TMEM255A: variants seen among roughly 807,000 people sequenced by gnomAD.
TMEM255A encodes transmembrane protein 255A, also known as family with sequence similarity 70, member A.
In TMEM255A, 14 loss-of-function variants were observed where a neutral mutation model predicts 23.5. The observed-to-expected ratio is 0.60, with a 90% confidence interval of 0.39 to 0.93. The LOEUF (loss-of-function observed/expected upper bound fraction) is 0.93. Among genes scored for constraint, TMEM255A ranks in the 40% least tolerant of loss-of-function variants. The probability of loss-of-function intolerance (pLI) is 0.00; values close to 1 mark genes in which losing one functional copy is unlikely to be tolerated. For missense variants in TMEM255A, 233 were observed against 261.7 expected, an observed-to-expected ratio of 0.89 and a Z score of 0.76; for synonymous variants, 104 against 100.3, an observed-to-expected ratio of 1.04 and a Z score of -0.22.
At chrX:120,292,506 C>T (rs2057922878) in intron 3 of TMEM255A, among the ~76,000 whole-genome samples, 2 of 110,733 alleles carry the variant, frequency 1.8e-5, no homozygotes, top group Admixed American at 1.9e-4. Flanking sequence ...CGCCTGTAAT[C>T]CCAGTACTTT....
chrX:120,262,678 A>G (rs1182860513), intron 8 of TMEM255A, among the ~76,000 whole-genome samples: 3 of 111,506 alleles, frequency 2.7e-5, no homozygotes, highest in Non-Finnish European at 5.7e-5. Context: ...GCTTTCCTCA[A>G]CTAAGAACTC....
At chrX:120,275,784 AT>A (rs11342181) in intron 7 of TMEM255A, among the ~76,000 whole-genome samples, 4,816 of 60,115 alleles carry the variant, frequency 0.08, 197 homozygotes, top group East Asian at 0.13. Flanking sequence ...GAGCCCAAGC[AT>A]TTTTTTTTTT....
intron 8 of TMEM255A, among the ~76,000 whole-genome samples, chrX:120,264,268 A>G (rs2057700482): frequency 8.9e-6 from 1 of 111,936 alleles, no homozygotes. Flanking sequence ...TGGTGGGGAA[A>G]TAGTGCAAAG....
chrX:120,268,460 T>A, intron 7 of TMEM255A, 73 bp from the exon 8 acceptor site: 2 of 830,193 alleles, frequency 2.4e-6, no homozygotes, highest in Non-Finnish European at 3.4e-6. Context: ...ACTTAGTACA[T>A]CTATACTATG....
chrX:120,298,773 G>A lies in TMEM255A; in HGVS notation c.202-4722C>T, dbSNP rs192120858. ...AGTGTTTTCCAGCAACCATGAATAG[G>A]AGGAATCTACAGTAGGGAGTTCAAA... On this transcript the variant is annotated intron_variant, in intron 2 of 8. Transcript: ENST00000371369. Among the ~76,000 whole-genome samples, 44 of 110,835 alleles carry A rather than the reference G, an allele frequency of 4.0e-4. No homozygotes were observed. The East Asian group carries it at 7.4e-3, about 19-fold the overall frequency.
At chrX:120,276,745 T>G in intron 7 of TMEM255A, 140 bp downstream of exon 7, 4 of 591,639 alleles carry the variant, frequency 6.8e-6, no homozygotes, top group Non-Finnish European at 1.0e-5. Flanking sequence ...CTTGAGACAT[T>G]TGAAGGCAGC....
At chrX:120,292,548 C>T (rs2057923261) in intron 3 of TMEM255A, among the ~76,000 whole-genome samples, 1 of 110,874 alleles carries the variant, frequency 9.0e-6, no homozygotes, top group Non-Finnish European at 1.9e-5. Flanking sequence ...CACTTGAGGT[C>T]AGGAGCTCAA....
At chrX:120,264,947 G>A (rs150951295) in intron 8 of TMEM255A, among the ~76,000 whole-genome samples, 1,713 of 105,267 alleles carry the variant, frequency 0.016, 38 homozygotes, top group African/African-American at 0.056. Context: ...GCGTGATCTC[G>A]GCTCACCACA....
chrX:120,297,484 C>T (rs2058004797), intron 2 of TMEM255A, among the ~76,000 whole-genome samples: 1 of 108,870 alleles, frequency 9.2e-6, no homozygotes, highest in Admixed American at 1.0e-4. Context: ...AATTCACTTA[C>T]CTGGATGACA....
At chrX:120,271,729 T>C (rs1187575198) in intron 7 of TMEM255A, among the ~76,000 whole-genome samples, 1 of 109,773 alleles carries the variant, frequency 9.1e-6, no homozygotes, top group Non-Finnish European at 1.9e-5. Flanking sequence ...ATCAAAATGT[T>C]TCAAAGCCCT....
At chrX:120,285,911 C>T (rs1556021760) in intron 5 of TMEM255A, 1 of 1,178,773 alleles carries the variant, frequency 8.5e-7, no homozygotes, top group Admixed American at 2.2e-5. Flanking sequence ...AAGAAATTGT[C>T]CAGCTCTCTC....
chrX:120,286,034 G>A, intron 5 of TMEM255A: 1 of 605,383 alleles, frequency 1.7e-6, no homozygotes, highest in Non-Finnish European at 2.4e-6. Flanking sequence ...AATGCTTACT[G>A]CCTTTCAGAT....
chrX:120,299,407 G>A (rs2058019577), intron 2 of TMEM255A, among the ~76,000 whole-genome samples: 1 of 111,302 alleles, frequency 9.0e-6, no homozygotes, highest in African/African-American at 3.3e-5. Context: ...TCGACCTCCT[G>A]GGCTCAAGGA....
chrX:120,254,557 T>C (rs782093613), downstream of TMEM255A: 15 of 1,209,971 alleles, frequency 1.2e-5, no homozygotes, highest in East Asian at 4.1e-4. Flanking sequence ...CCTACACTTC[T>C]TCAAGAACCA....
chrX:120,266,614 T>G (rs2057719643), intron 8 of TMEM255A, among the ~76,000 whole-genome samples: 1 of 112,552 alleles, frequency 8.9e-6, no homozygotes, highest in Non-Finnish European at 1.9e-5. Context: ...GGGTTCATTA[T>G]AAAGTGCAAA....
At chrX:120,285,868 G>A (rs781948983) in intron 5 of TMEM255A, 35 of 1,197,107 alleles carry the variant, frequency 2.9e-5, no homozygotes, top group Admixed American at 4.4e-5. Flanking sequence ...TTTTAAAAAC[G>A]GAAAAGAATT....
intron 1 of TMEM255A, among the ~76,000 whole-genome samples, chrX:120,306,001 G>A (rs1366686953): frequency 9.0e-6 from 1 of 111,702 alleles, no homozygotes; most frequent in South Asian, 3.8e-4. Context: ...ACTAATCTAA[G>A]ACTATTTTTC....
At chrX:120,254,896 A>G (rs782464432), downstream of TMEM255A, 1 of 1,212,059 alleles carries the variant, frequency 8.3e-7, no homozygotes. Flanking sequence ...AGGGTCTATT[A>G]TATCTGTATT....
At chrX:120,283,253 A>G (rs1556021186) in intron 6 of TMEM255A, among the ~76,000 whole-genome samples, 1 of 111,232 alleles carries the variant, frequency 9.0e-6, no homozygotes, top group African/African-American at 3.3e-5. Context: ...TTATTACAAC[A>G]TAAATAATTG....
Sources: allele counts gnomAD v4.1 joint callset (sites outside exome capture counted in the v4.1 genomes callset), GRCh38; gene constraint gnomAD v4.1.1; transcripts MANE v1.5; gene names NCBI Gene and HGNC (gene_info 2026-07-23, HGNC 2026-07-21).